Variants in FAH observed in about 807,000 individuals in gnomAD.
The protein encoded by FAH is fumarylacetoacetate hydrolase, also known as fumarylacetoacetase.
A neutral mutation model predicts 55.8 loss-of-function variants in FAH; 47 were observed. The observed-to-expected ratio is 0.84, with a 90% confidence interval of 0.67 to 1.07. The LOEUF is 1.07. Among genes scored for constraint, FAH ranks in the 50% least tolerant of loss-of-function variants. FAH has a pLI of 0.00. For missense variants in FAH, 495 were observed against 545.9 expected (o/e 0.91, Z 0.93); for synonymous variants, 199 against 207.7 (o/e 0.96, Z 0.36).
chr15:80,160,526 G>C (rs1236596299), intron 4 of FAH, 67 bp downstream of exon 4: 3 of 1,514,888 alleles, frequency 2.0e-6, no homozygotes, highest in East Asian at 4.5e-5. Flanking sequence ...CTGGCCAGGT[G>C]CTTTGGTTCT....
At chr15:80,168,815 G>T (rs1438208684) in intron 7 of FAH, among the ~76,000 whole-genome samples, 1 of 152,200 alleles carries the variant, frequency 6.6e-6, no homozygotes, top group Non-Finnish European at 1.5e-5. Context: ...AGCACAGGAA[G>T]ACTGTGACGT....
chr15:80,166,640 T>A (rs6495476), intron 5 of FAH, among the ~76,000 whole-genome samples: 4 of 146,430 alleles, frequency 2.7e-5, no homozygotes, highest in Non-Finnish European at 6.0e-5. Context: ...ATTTTCTTTT[T>A]TTTTTTTTTT....
At chr15:80,164,886 G>A (rs2142095593) in intron 5 of FAH, among the ~76,000 whole-genome samples, 1 of 152,288 alleles carries the variant, frequency 6.6e-6, no homozygotes, top group East Asian at 1.9e-4. Context: ...ACACATGCAT[G>A]ACCACACGTA....
At chr15:80,183,131 C>T (rs565952183) in intron 13 of FAH, among the ~76,000 whole-genome samples, 14 of 152,224 alleles carry the variant, frequency 9.2e-5, no homozygotes, top group South Asian at 6.2e-4. Flanking sequence ...CGCCTTACTC[C>T]GGAAGGATTT....
rs35856260 is a variant in FAH at position 80,176,020 on chromosome 15, C to CT, written c.913+938dup. The stretch of plus-strand genomic sequence containing the variant: ...CCATTCCTTTTTCTTTTCTTTTCTT[C>CT]TTTTTTTTTCCCCCGAGATGGAGTT... On this transcript the variant is annotated intron_variant, in intron 10 of 13. Transcript: ENST00000561421. Among the ~76,000 whole-genome samples, 106 of 151,658 alleles carry CT rather than the reference C, an allele frequency of 7.0e-4. 2 individuals carry two copies. The highest frequency in any genetic ancestry group is 2.4e-3 in the African/African-American group (98 of 41,370).
At chr15:80,156,447 C>G (rs2142089589) in intron 1 of FAH, 1 of 152,406 alleles carries the variant, frequency 6.6e-6, no homozygotes, top group Admixed American at 6.5e-5. Flanking sequence ...GCCTCGGCAC[C>G]TGGGTAATCC....
chr15:80,170,704 C>G (rs1401127336), intron 7 of FAH, among the ~76,000 whole-genome samples: 1 of 152,184 alleles, frequency 6.6e-6, no homozygotes, highest in Non-Finnish European at 1.5e-5. Flanking sequence ...AGAGAGTCAG[C>G]ATGTGGAGAA....
At chr15:80,165,343 A>G (rs1227743387) in intron 5 of FAH, among the ~76,000 whole-genome samples, 1 of 152,186 alleles carries the variant, frequency 6.6e-6, no homozygotes, top group Non-Finnish European at 1.5e-5. Context: ...AGCCTGGCCA[A>G]CATGGTGAAA....
intron 9 of FAH, chr15:80,173,805 C>T (rs1451212184): frequency 6.1e-6 from 1 of 165,134 alleles, no homozygotes; most frequent in Non-Finnish European, 1.3e-5. Flanking sequence ...TGTGACCTGT[C>T]CTCGTTCTCC....
At chr15:80,172,617 A>G (rs2041250660) in intron 8 of FAH, among the ~76,000 whole-genome samples, 1 of 152,216 alleles carries the variant, frequency 6.6e-6, no homozygotes, top group South Asian at 2.1e-4. Flanking sequence ...GGGAGATTTC[A>G]GTTAGTTGCT....
Position 80,168,229 on chromosome 15 carries a change from G to A in FAH, c.554-35G>A, listed in dbSNP as rs573550448. On this transcript the variant is annotated intron_variant, in intron 6 of 13. Transcript: ENST00000561421. ...AGAGAGTTCTGTGGCCTCACTCACA[G>A]CACCGTTTTTTTTTTTTTTCTGGTG... The A allele has an allele frequency of 3.4e-5, 54 of 1,604,380 alleles. No individual in the cohort carries two copies. The African/African-American group carries it at 6.4e-4, about 19-fold the overall frequency.
At chr15:80,161,974 G>A (rs1595891166) in intron 4 of FAH, among the ~76,000 whole-genome samples, 1 of 152,158 alleles carries the variant, frequency 6.6e-6, no homozygotes, top group Non-Finnish European at 1.5e-5. Flanking sequence ...GAAGGGAGGT[G>A]GTATCAGCCA....
rs1229794999 is a variant in FAH at position 80,159,794 on chromosome 15, C to G, written c.231C>G (p.Ala77=). The G allele has an allele frequency of 2.5e-6, 4 of 1,614,224 alleles. No individual in the cohort carries two copies. Among genetic ancestry groups the G allele is most frequent in the Non-Finnish European group, 3.4e-6 (4 of 1,180,044 alleles). Residue 77 remains alanine, a synonymous_variant, in exon 3 of 14, where the codon GCC becomes GCG. Coordinates refer to ENST00000561421, the MANE Select transcript of FAH (RefSeq NM_000137.4). ...GCTTCATGGGCCTGGGTCAGGCTGC[C>G]TGGAAGGAGGCGAGAGTGTTCTTGC... ...LNSFMGLGQA[A]WKEARVFLQN...
chr15:80,159,610 C>T, intron 2 of FAH, 146 bp from the exon 3 acceptor site: 2 of 967,882 alleles, frequency 2.1e-6, no homozygotes, highest in Admixed American at 3.5e-5. Flanking sequence ...GAATAAATGA[C>T]AAAACTAAGA....
At chr15:80,169,519 TTTTTG>T (rs922605663) in intron 7 of FAH, among the ~76,000 whole-genome samples, 7 of 152,044 alleles carry the variant, frequency 4.6e-5, no homozygotes, top group South Asian at 2.1e-4. Context: ...TTTTATTTGT[TTTTTG>T]TTTTGTTTTG....
chr15:80,165,039 G>A (rs889495580), intron 5 of FAH, among the ~76,000 whole-genome samples: 4 of 152,034 alleles, frequency 2.6e-5, no homozygotes, highest in Middle Eastern at 3.2e-3. Context: ...AGTTTTTTGG[G>A]GTAGGTAATA....
At chr15:80,180,361 G>A (rs552058787) in intron 12 of FAH, 136 bp downstream of exon 12, 6 of 706,306 alleles carry the variant, frequency 8.5e-6, no homozygotes, top group Admixed American at 2.1e-5. Context: ...TGTCTTCCTC[G>A]TAGCCTTTCT....
intron 5 of FAH, among the ~76,000 whole-genome samples, chr15:80,167,645 C>T (rs939162906): frequency 6.6e-6 from 1 of 151,662 alleles, no homozygotes; most frequent in African/African-American, 2.4e-5. Flanking sequence ...GATTCTTCTG[C>T]CTCAGCCTCC....
intron 1 of FAH, among the ~76,000 whole-genome samples, chr15:80,154,572 C>T (rs1034352234): frequency 6.6e-6 from 1 of 152,252 alleles, no homozygotes; most frequent in African/African-American, 2.4e-5. Context: ...GCTTTCTCTG[C>T]AGGCATTGGA....
Sources: allele counts gnomAD v4.1 joint callset (sites outside exome capture counted in the v4.1 genomes callset), GRCh38; gene constraint gnomAD v4.1.1; transcripts MANE v1.5; gene names NCBI Gene and HGNC (gene_info 2026-07-23, HGNC 2026-07-21).